TASOR: variants seen among roughly 807,000 people sequenced by gnomAD.
The protein encoded by TASOR is protein TASOR.
In TASOR, 53 loss-of-function variants were observed where a neutral mutation model predicts 178.6. The ratio of observed to expected loss-of-function variants is 0.30; its 90% CI spans 0.24 to 0.37. The LOEUF (loss-of-function observed/expected upper bound fraction) is 0.37. Ranked by LOEUF, TASOR falls within the 10% of genes least tolerant of loss-of-function variation. The pLI is 1.00. For synonymous variants in TASOR, 713 were observed against 696.2 expected (o/e 1.02, Z -0.38); for missense variants, 1,815 against 1,971.4 (o/e 0.92, Z 1.50).
chr3:56,670,464 C>T (rs548799654), intron 3 of TASOR, among the ~76,000 whole-genome samples: 120 of 152,260 alleles, frequency 7.9e-4, no homozygotes, highest in Middle Eastern at 3.4e-3. Context: ...CCTCAGCCTC[C>T]CAAGTAACTA....
intron 3 of TASOR, among the ~76,000 whole-genome samples, chr3:56,670,964 G>GA (rs2030656736): frequency 8.6e-6 from 1 of 116,890 alleles, no homozygotes; most frequent in South Asian, 3.1e-4. Context: ...AAAAAAAAAG[G>GA]AAAAATGGTT....
chr3:56,633,627 T>C lies in TASOR; in HGVS notation c.3164A>G (p.Gln1055Arg), dbSNP rs747607540. ...STVSTPIFSTQEKMKRLSEFI... is the reference protein window; with the variant it reads ...STVSTPIFSTREKMKRLSEFI... ...CTCGGAAAGCCGTTTCATCTTCTCTTGTGTTGAAAAGATAGGTGTGGAAAC... is the reference window on the plus strand; with the variant it reads ...CTCGGAAAGCCGTTTCATCTTCTCTCGTGTTGAAAAGATAGGTGTGGAAAC... The change falls in exon 18 of 24, where the codon CAA becomes CGA. Residue 1055 changes from glutamine (Q) to arginine (R), a missense_variant. By Grantham distance (43) the Gln-to-Arg change is conservative (BLOSUM62 1). Coordinates refer to ENST00000683822, the MANE Select transcript of TASOR (RefSeq NM_001365635.2). 6.8e-6 allele frequency: 11 copies of C among 1,613,954 alleles called. No individual in the cohort carries two copies. The highest frequency in any genetic ancestry group is 8.5e-6 in the Non-Finnish European group (10 of 1,179,956).
intron 11 of TASOR, among the ~76,000 whole-genome samples, chr3:56,659,563 T>C (rs1378484336): frequency 6.6e-6 from 1 of 152,212 alleles, no homozygotes; most frequent in African/African-American, 2.4e-5. Flanking sequence ...TCTTGTATCA[T>C]TACCTTGTCA....
intron 6 of TASOR, among the ~76,000 whole-genome samples, chr3:56,666,685 C>T (rs1338785325): frequency 6.6e-6 from 1 of 152,048 alleles, no homozygotes; most frequent in Non-Finnish European, 1.5e-5. Flanking sequence ...AGCCTAAGCT[C>T]CCAGGTCAGC....
At chr3:56,640,943 C>T (rs192600457) in intron 15 of TASOR, among the ~76,000 whole-genome samples, 1 of 152,338 alleles carries the variant, frequency 6.6e-6, no homozygotes, top group East Asian at 1.9e-4. Context: ...AACTGTCACA[C>T]TGCTGTACTG....
rs1172195191 is a variant in TASOR, at chr3:56,682,725, C to T, written c.282G>A (p.Arg94=). 1.3e-6 allele frequency: 2 copies of T among 1,508,396 alleles called. No individual in the cohort carries two copies. Among genetic ancestry groups the T allele is most frequent in the Non-Finnish European group, 8.9e-7 (1 of 1,127,310 alleles). The allele number at this position is 1,508,396 out of a possible 1,614,324, so 93.4% of individuals were successfully genotyped here. The change falls in exon 1 of 24, where the codon AGG becomes AGA. Residue 94 remains arginine (R), a synonymous_variant. Coordinates refer to ENST00000683822, the MANE Select transcript of TASOR (RefSeq NM_001365635.2). ...GGATCTGAAAACTCCTCCTAACAGGCCTTTCGGGCTCTTCGGGGCCTCTGG... is the reference window on the plus strand; with the variant it reads ...GGATCTGAAAACTCCTCCTAACAGGTCTTTCGGGCTCTTCGGGGCCTCTGG... ...ALPRGPEEPE[R]PVRRSFQIPR... is the part of the protein sequence containing the mutation.
At chr3:56,673,525 A>G in intron 2 of TASOR, 55 bp downstream of exon 2, 2 of 1,315,008 alleles carry the variant, frequency 1.5e-6, no homozygotes, top group Non-Finnish European at 2.0e-6. Flanking sequence ...TTTTTTTCCC[A>G]GGCTGTTAAC....
At chr3:56,674,613 G>A (rs2031107881) in intron 1 of TASOR, among the ~76,000 whole-genome samples, 1 of 151,850 alleles carries the variant, frequency 6.6e-6, no homozygotes, top group Admixed American at 6.6e-5. Flanking sequence ...ATGAAAACAT[G>A]TGGGGCTTTA....
In TASOR at chr3:56,655,691, T is replaced by C. The variant is rs556577252; in HGVS notation, c.1368+5040A>G. 8.6e-5 allele frequency among the ~76,000 whole-genome samples: 13 copies of C among 151,868 alleles called. No individual in the cohort carries two copies. In the South Asian group the frequency reaches 2.1e-3, roughly 24 times the overall value. ...AGCCCAGCTACCCAGGAGGCTGAGG[T>C]GGGAGAATCACTTAAAAGACAAGTA... is the stretch of plus-strand genomic sequence containing the variant. On this transcript the variant is annotated intron_variant, in intron 11 of 23. Transcript: ENST00000683822.
chr3:56,655,183 T>C lies in TASOR; in HGVS notation c.1368+5548A>G, dbSNP rs529267259. Among the ~76,000 whole-genome samples the C allele has an allele frequency of 1.7e-3, 252 of 152,344 alleles. 2 individuals are homozygous for C. Among genetic ancestry groups the C allele is most frequent in the Middle Eastern group, 0.014 (4 of 294 alleles). Reference sequence around the variant, plus strand: ...CTACTGTGGACTTCCTACTTAATGGTAAAATGTTATAAGGCTTTTTTTTCT... The same window carrying C: ...CTACTGTGGACTTCCTACTTAATGGCAAAATGTTATAAGGCTTTTTTTTCT... On this transcript the variant is annotated intron_variant, in intron 11 of 23. Coordinates refer to ENST00000683822, the MANE Select transcript of TASOR (RefSeq NM_001365635.2).
Position 56,621,201 on chromosome 3 carries a change from T to G in TASOR, c.*1836A>C. ...ACAACAACAAAAAAAAAACACTGTA[T>G]GTTAAGGGAGACTCCTTCAGTATCT... On this transcript the variant is annotated 3_prime_UTR_variant, in exon 24 of 24. Coordinates refer to ENST00000683822, the MANE Select transcript of TASOR (RefSeq NM_001365635.2). 1 of 174,532 alleles carries G rather than the reference T, an allele frequency of 5.7e-6. No homozygotes were observed. The highest frequency in any genetic ancestry group is 1.2e-5 in the Non-Finnish European group (1 of 83,602). 10.8% of individuals were successfully genotyped at this position (174,532 alleles called of 1,614,324 possible).
intron 13 of TASOR, among the ~76,000 whole-genome samples, chr3:56,647,890 A>G (rs1277218316): frequency 6.6e-6 from 1 of 152,212 alleles, no homozygotes; most frequent in Non-Finnish European, 1.5e-5. Context: ...GAACTAAGCT[A>G]AAAAATAATC....
In TASOR at chr3:56,633,604, C is replaced by T. The variant is rs764600047; in HGVS notation, c.3187G>A (p.Glu1063Lys). ...STQEKMKRLS[E>K]FIYSKTSKAG... The stretch of plus-strand genomic sequence containing the variant: ...TTGGAAGTCTTAGAATATATGAACT[C>T]GGAAAGCCGTTTCATCTTCTCTTGT... The change falls in exon 18 of 24, where the codon GAG (glutamate) becomes AAG (lysine). Residue 1063 changes from glutamate (E) to lysine (K), a missense_variant. Physicochemically the swap from Glu to Lys is moderately conservative, Grantham distance 56. This residue lies in a region of TASOR where 655 missense variants were observed against 671.1 expected (regional missense o/e 0.98). Transcript: ENST00000683822. The T allele has an allele frequency of 3.0e-5, 48 of 1,613,842 alleles. No homozygotes were observed. The highest frequency in any genetic ancestry group is 2.7e-5 in the Non-Finnish European group (32 of 1,180,006).
chr3:56,679,123 T>C (rs2031578415), intron 1 of TASOR, among the ~76,000 whole-genome samples: 1 of 152,168 alleles, frequency 6.6e-6, no homozygotes, highest in Non-Finnish European at 1.5e-5. Context: ...AAGAAGAGGC[T>C]GAGGATCTGA....
In TASOR at chr3:56,670,096, G is replaced by A; in HGVS notation, c.620C>T (p.Thr207Ile). Residue 207 changes from threonine to isoleucine, a missense_variant, in exon 4 of 24, where the codon ACA becomes ATA. Thr to Ile is a moderately conservative substitution (Grantham distance 89). Around this residue, in one of 5 missense-constraint regions of TASOR, gnomAD observed 504 missense variants for 645.3 expected, o/e 0.78. Transcript: ENST00000683822. Reference sequence around the variant, plus strand: ...ACCCATGGAAGGACTGCCAAGAATTGTTATTTTGGACTGACCCACATGTAA... The same window carrying A: ...ACCCATGGAAGGACTGCCAAGAATTATTATTTTGGACTGACCCACATGTAA... ...KGLHVGQSKI[T>I]ILGSPSMGVY... 1 of 1,539,570 alleles carries A rather than the reference G, an allele frequency of 6.5e-7. No individual in the cohort carries two copies. Among genetic ancestry groups the A allele is most frequent in the Non-Finnish European group, 8.8e-7 (1 of 1,141,896 alleles).
intron 3 of TASOR, 102 bp downstream of exon 3, chr3:56,671,496 CAA>C: frequency 1.3e-6 from 1 of 773,474 alleles, no homozygotes; most frequent in South Asian, 2.1e-5. Flanking sequence ...ACTTATATAT[CAA>C]AAAAGTCTGT....
chr3:56,664,856 A>G (rs560463478), intron 7 of TASOR, among the ~76,000 whole-genome samples: 4 of 152,324 alleles, frequency 2.6e-5, no homozygotes, highest in African/African-American at 7.2e-5. Flanking sequence ...TCAGTAACAC[A>G]AGAACAGAAA....
intron 17 of TASOR, 95 bp from the exon 18 acceptor site, chr3:56,634,061 C>T (rs1409725303): frequency 1.1e-6 from 1 of 929,776 alleles, no homozygotes; most frequent in Non-Finnish European, 1.6e-6. Context: ...GGTTAACACA[C>T]ATTTAGAACT....
intron 16 of TASOR, 67 bp from the exon 17 acceptor site, chr3:56,638,832 C>T (rs2077067104): frequency 1.4e-6 from 2 of 1,453,100 alleles, no homozygotes; most frequent in Admixed American, 3.4e-5. Flanking sequence ...ACCTTTCAGA[C>T]AACCCCAAGT....
Sources: allele counts gnomAD v4.1 joint callset (sites outside exome capture counted in the v4.1 genomes callset), GRCh38; gene constraint gnomAD v4.1.1; regional missense constraint gnomAD v4.1.1; transcripts MANE v1.5; gene names NCBI Gene and HGNC (gene_info 2026-07-23, HGNC 2026-07-21).